The following BNC1 variants were observed in gnomAD, a reference collection of about 807,000 sequenced individuals.
The protein encoded by BNC1 is basonuclin zinc finger protein 1.
BNC1 carries 8 observed loss-of-function variants against 66.5 expected under a neutral mutation model. The ratio of observed to expected loss-of-function variants is 0.12; its 90% CI spans 0.07 to 0.22. The LOEUF (loss-of-function observed/expected upper bound fraction) is 0.22, where lower values mean the gene tolerates loss of function less well. Ranked by LOEUF, BNC1 falls within the 10% of genes least tolerant of loss-of-function variation. The pLI is 1.00. For missense variants in BNC1, 1,069 were observed against 1,241.3 expected, an observed-to-expected ratio of 0.86 and a Z score of 2.09; for synonymous variants, 454 against 452.6, an observed-to-expected ratio of 1.00 and a Z score of -0.04.
At chr15:83,278,706 A>G (rs956040050) in intron 1 of BNC1, among the ~76,000 whole-genome samples, 8 of 152,228 alleles carry the variant, frequency 5.3e-5, no homozygotes, top group Admixed American at 1.3e-4. Context: ...GCAACTCCTA[A>G]TGAAAAATAG....
chr15:83,264,596 G>A lies in BNC1; in HGVS notation c.655C>T (p.Pro219Ser), dbSNP rs774278292. The A allele has an allele frequency of 1.2e-6, 2 of 1,613,998 alleles. No individual in the cohort carries two copies. The highest frequency in any genetic ancestry group is 1.7e-6 in the Non-Finnish European group (2 of 1,180,014). ...ESCSHRSSSL[P>S]TPVDKGNPSS... ...GGGTTTCCTTTGTCCACAGGAGTGG[G>A]GAGGCTAGAACTCCTGTGACTGCAG... The change falls in exon 4 of 5, where the codon CCC becomes TCC. Residue 219 changes from proline (P) to serine (S), a missense_variant. Physicochemically the swap from Pro to Ser is moderately conservative, Grantham distance 74. Around this residue, in one of 7 missense-constraint regions of BNC1, gnomAD observed 181 missense variants for 181.5 expected, o/e 1.00. Coordinates refer to ENST00000345382, the MANE Select transcript of BNC1 (RefSeq NM_001717.4).
At chr15:83,258,528 AC>A (rs1364822409) in intron 4 of BNC1, among the ~76,000 whole-genome samples, 1 of 152,076 alleles carries the variant, frequency 6.6e-6, no homozygotes, top group African/African-American at 2.4e-5. Flanking sequence ...CCACAGCAGC[AC>A]TTCCCCCATT....
At chr15:83,273,801 G>A (rs980715930) in intron 1 of BNC1, among the ~76,000 whole-genome samples, 20 of 152,154 alleles carry the variant, frequency 1.3e-4, no homozygotes, top group African/African-American at 3.6e-4. Flanking sequence ...GTCAGGAGAT[G>A]CTGAGTTGAA....
At position 83,277,788 on chromosome 15, in the gene BNC1, C is replaced by A. The variant is rs796092447; in HGVS notation, c.99+6742G>T. On this transcript the variant is annotated intron_variant, in intron 1 of 4. Transcript: ENST00000345382. ...ACCTGTTGTGAAATTGTCATTCTTA[C>A]TCTTTCTGTGGCTGCAGAGCTAGCC... 4.6e-5 allele frequency among the ~76,000 whole-genome samples: 7 copies of A among 152,250 alleles called. No individual in the cohort carries two copies. In the East Asian group the frequency reaches 7.7e-4, roughly 17 times the overall value.
chr15:83,274,123 G>A (rs2038295447), intron 1 of BNC1, among the ~76,000 whole-genome samples: 1 of 152,094 alleles, frequency 6.6e-6, no homozygotes. Flanking sequence ...GGTGGCTCAC[G>A]CCTGTAATCC....
At chr15:83,278,689 C>T (rs548114790) in intron 1 of BNC1, among the ~76,000 whole-genome samples, 2 of 152,270 alleles carry the variant, frequency 1.3e-5, no homozygotes, top group South Asian at 2.1e-4. Flanking sequence ...TGGAGTATCA[C>T]CATTCCGCAA....
intron 1 of BNC1, among the ~76,000 whole-genome samples, chr15:83,274,435 C>T (rs2038299015): frequency 6.6e-6 from 1 of 152,136 alleles, no homozygotes; most frequent in African/African-American, 2.4e-5. Flanking sequence ...GTCACACTAG[C>T]CACATTTCAG....
intron 1 of BNC1, among the ~76,000 whole-genome samples, chr15:83,273,359 T>A (rs1026813893): frequency 6.6e-6 from 1 of 152,074 alleles, no homozygotes; most frequent in African/African-American, 2.4e-5. Flanking sequence ...TAAATGAAAA[T>A]ATTCTAATTA....
intron 4 of BNC1, among the ~76,000 whole-genome samples, chr15:83,260,634 C>T (rs1176212162): frequency 1.3e-5 from 2 of 152,202 alleles, no homozygotes; most frequent in African/African-American, 4.8e-5. Flanking sequence ...TCCTCCACTA[C>T]AGAAGGCCTC....
At chr15:83,267,108 G>A in intron 2 of BNC1, 37 bp from the exon 3 acceptor site, 1 of 1,540,832 alleles carries the variant, frequency 6.5e-7, no homozygotes, top group African/African-American at 1.4e-5. Flanking sequence ...ATTTTGAAAA[G>A]TTCTAATTGT....
intron 4 of BNC1, among the ~76,000 whole-genome samples, chr15:83,262,658 C>T (rs1174469102): frequency 6.6e-6 from 1 of 151,996 alleles, no homozygotes; most frequent in Admixed American, 6.6e-5. Context: ...AAACTGTAGC[C>T]CCCAGAATAG....
At position 83,257,808 on chromosome 15, in the gene BNC1, G is replaced by C. The variant is rs528347054; in HGVS notation, c.2619C>G (p.Ser873=). ...CCTCACTCACCCCGTCAGAGTCCCA[G>C]GAAGAATGGCTGCTACTCTCTGACT... ...SMKSESSSHS[S]WDSDGVSEEG... Residue 873 remains serine (S), a synonymous_variant, in exon 5 of 5, where the codon TCC becomes TCG. Coordinates refer to ENST00000345382, the MANE Select transcript of BNC1 (RefSeq NM_001717.4). 5.0e-6 allele frequency: 8 copies of C among 1,614,176 alleles called. No individual in the cohort carries two copies. The Admixed American group carries it at 1.3e-4, about 27-fold the overall frequency.
chr15:83,278,536 A>C (rs67933024), intron 1 of BNC1, among the ~76,000 whole-genome samples: 31,162 of 152,164 alleles, frequency 0.2, 3,361 homozygotes, highest in Admixed American at 0.23. Context: ...AATGCTAGGA[A>C]ACCAACTAAC....
chr15:83,270,031 T>TA (rs1214949244), intron 1 of BNC1, among the ~76,000 whole-genome samples: 1 of 152,184 alleles, frequency 6.6e-6, no homozygotes, highest in Non-Finnish European at 1.5e-5. Context: ...GGCCAATTGA[T>TA]AAAGGCAGAA....
intron 1 of BNC1, among the ~76,000 whole-genome samples, chr15:83,280,874 G>A (rs1192328350): frequency 6.6e-6 from 1 of 152,148 alleles, no homozygotes; most frequent in Non-Finnish European, 1.5e-5. Flanking sequence ...TTTCCCTATG[G>A]ACAGGGCTGT....
In BNC1 at chr15:83,269,425, G is replaced by A. The variant is rs575195667; in HGVS notation, c.100-1193C>T. On this transcript the variant is annotated intron_variant, in intron 1 of 4. Coordinates refer to ENST00000345382, the MANE Select transcript of BNC1 (RefSeq NM_001717.4). ...TTCACAAGAGTCTTGAAACTGGGAA[G>A]TGCGTGTGTGTGTGTGTGTGCGCGC... Among the ~76,000 whole-genome samples, 93 of 149,802 alleles carry A rather than the reference G, an allele frequency of 6.2e-4. 1 individual carries two copies. The highest frequency in any genetic ancestry group is 2.3e-3 in the African/African-American group (91 of 39,736).
At chr15:83,261,957 T>C (rs943910256) in intron 4 of BNC1, among the ~76,000 whole-genome samples, 8 of 152,128 alleles carry the variant, frequency 5.3e-5, no homozygotes, top group East Asian at 3.9e-4. Flanking sequence ...TGGGACGCTA[T>C]AGTGGCAATT....
intron 1 of BNC1, among the ~76,000 whole-genome samples, chr15:83,278,300 G>T (rs1398703234): frequency 6.6e-6 from 1 of 152,148 alleles, no homozygotes; most frequent in East Asian, 1.9e-4. Flanking sequence ...TATGTACTTG[G>T]TAACCATGGG....
At chr15:83,283,530 G>C in intron 1 of BNC1, 2 of 985,138 alleles carry the variant, frequency 2.0e-6, no homozygotes, top group Non-Finnish European at 2.4e-6. Context: ...TGTTAAGGGA[G>C]CTCGAAGTCG....
Sources: gnomAD v4.1 joint callset for allele counts (sites outside exome capture counted in the v4.1 genomes callset) on GRCh38, gnomAD v4.1.1 for gene constraint, gnomAD v4.1.1 regional missense constraint, MANE v1.5 for transcripts, NCBI Gene and HGNC (gene_info 2026-07-23, HGNC 2026-07-21) for gene names.